Variants in CALM3 observed in about 807,000 individuals in gnomAD.
CALM3 encodes the protein calmodulin-3.
CALM3 carries 5 observed loss-of-function variants against 20.1 expected under a neutral mutation model. The ratio of observed to expected loss-of-function variants is 0.25; its 90% CI spans 0.13 to 0.52. The LOEUF is 0.52. Ranked by LOEUF, CALM3 falls within the 20% of genes least tolerant of loss-of-function variation. The pLI is 0.96. For missense variants in CALM3, 57 were observed against 192.8 expected, an observed-to-expected ratio of 0.30 and a Z score of 4.17; for synonymous variants, 69 against 68.1, an observed-to-expected ratio of 1.01 and a Z score of -0.06.
Position 46,608,647 on chromosome 19 carries a change from C to A in CALM3, c.285+59C>A. On this transcript the variant is annotated intron_variant, in intron 4 of 5. Coordinates refer to ENST00000291295, the MANE Select transcript of CALM3 (RefSeq NM_005184.4). This position sits in a 1 kb window ranked among gnomAD's most constrained non-coding sequence, Gnocchi z 5.5. ...TGACGCCAGCCTTCAGGCAGACAGG[C>A]GGAACTGGAGCCACGGAGCTACCAC... 2 of 1,451,284 alleles carry A rather than the reference C, an allele frequency of 1.4e-6. No homozygotes were observed. The highest frequency in any genetic ancestry group is 2.3e-5 in the East Asian group (1 of 43,440). The allele number at this position is 1,451,284 out of a possible 1,614,324, so 89.9% of individuals were successfully genotyped here. A position where few individuals can be genotyped will look rare whatever the true frequency, so the allele number is the denominator to read the frequency against.
Position 46,610,157 on chromosome 19 carries a change from A to G in CALM3, c.*1004A>G, listed in dbSNP as rs962435977. The G allele has an allele frequency of 1.3e-5, 2 of 152,566 alleles. No homozygotes were observed. The highest frequency in any genetic ancestry group is 4.8e-5 in the African/African-American group (2 of 41,370). The allele number at this position is 152,566 out of a possible 1,614,324, so 9.5% of individuals were successfully genotyped here. ...CCCCACCACGCTCTCAAGAGAACGC[A>G]CCTGCAATAAAACAGTCTTGTCGGC... On this transcript the variant is annotated 3_prime_UTR_variant, in exon 6 of 6. Transcript: ENST00000291295.
In CALM3 at chr19:46,609,531, G is replaced by T. The variant is rs564423714; in HGVS notation, c.*378G>T. On this transcript the variant is annotated 3_prime_UTR_variant, in exon 6 of 6. Coordinates refer to ENST00000291295, the MANE Select transcript of CALM3 (RefSeq NM_005184.4). ...TTTGTCATCTTATTTTGGGTGCTGG[G>T]GTGGCTGCCAGCCCTGTCCCGGGAC... 2.4e-4 allele frequency: 64 copies of T among 271,420 alleles called. No homozygotes were observed. The highest frequency in any genetic ancestry group is 1.2e-3 in the African/African-American group (56 of 45,058). The allele number at this position is 271,420 out of a possible 1,614,324, so 16.8% of individuals were successfully genotyped here. A position where few individuals can be genotyped will look rare whatever the true frequency, so the allele number is the denominator to read the frequency against.
Position 46,608,048 on chromosome 19 carries a change from G to A in CALM3, c.35-149G>A. 2.9e-6 allele frequency: 2 copies of A among 695,378 alleles called. No individual in the cohort carries two copies. The highest frequency in any genetic ancestry group is 2.5e-5 in the Admixed American group (1 of 40,098). The allele number at this position is 695,378 out of a possible 1,614,324, so 43.1% of individuals were successfully genotyped here. On this transcript the variant is annotated intron_variant, in intron 2 of 5. Transcript: ENST00000291295. The surrounding 1 kb of genome is among the most constrained non-coding windows in gnomAD (Gnocchi z 5.5). ...TTGCCCTGAGCACTGAGGAGAGAGAGCTGGTTGCGTGGGACTTGAAGTCTG... is the reference window on the plus strand; with the variant it reads ...TTGCCCTGAGCACTGAGGAGAGAGAACTGGTTGCGTGGGACTTGAAGTCTG...
Position 46,609,462 on chromosome 19 carries a change from T to C in CALM3, c.*309T>C. On this transcript the variant is annotated 3_prime_UTR_variant, in exon 6 of 6. Coordinates refer to ENST00000291295, the MANE Select transcript of CALM3 (RefSeq NM_005184.4). ...TCCCCTTGGGGAGCCTCTGCCCTCC[T>C]CCAGCCCGGATGGCTCTCCTCCATT... is the stretch of plus-strand genomic sequence containing the variant. The C allele has an allele frequency of 2.2e-6, 1 of 455,426 alleles. No homozygotes were observed. Among genetic ancestry groups the C allele is most frequent in the Non-Finnish European group, 3.9e-6 (1 of 254,976 alleles). The allele number at this position is 455,426 out of a possible 1,614,324, so 28.2% of individuals were successfully genotyped here. A position where few individuals can be genotyped will look rare whatever the true frequency, so the allele number is the denominator to read the frequency against.
rs574384111 is a variant in CALM3 at position 46,606,742 on chromosome 19, A to G, written c.34+885A>G. ...CCCAGAAGGGTCAGCTACAGGAACT[A>G]TTGTGTAATTACAGATCCGTGCCTG... On this transcript the variant is annotated intron_variant, in intron 2 of 5. Coordinates refer to ENST00000291295, the MANE Select transcript of CALM3 (RefSeq NM_005184.4). Among the ~76,000 whole-genome samples, 21 of 152,244 alleles carry G rather than the reference A, an allele frequency of 1.4e-4. No individual in the cohort carries two copies. In the South Asian group the frequency reaches 3.3e-3, roughly 24 times the overall value.
chr19:46,602,385 G>A (rs1568662262), intron 1 of CALM3, among the ~76,000 whole-genome samples: 1 of 150,860 alleles, frequency 6.6e-6, no homozygotes, highest in African/African-American at 2.4e-5. Flanking sequence ...GGATTTCCAA[G>A]GTGAGGGGTG....
In CALM3 at chr19:46,608,697, C is replaced by T. The variant is rs1971798941; in HGVS notation, c.285+109C>T. ...CTTCCAGGAGGTCCGGGTCCCGGTGCCAGCCTCATTGCCAACCTGCTCTGC... is the reference window on the plus strand; with the variant it reads ...CTTCCAGGAGGTCCGGGTCCCGGTGTCAGCCTCATTGCCAACCTGCTCTGC... On this transcript the variant is annotated intron_variant, in intron 4 of 5. Transcript: ENST00000291295. The surrounding 1 kb of genome is among the most constrained non-coding windows in gnomAD (Gnocchi z 5.5). The T allele has an allele frequency of 8.7e-6, 11 of 1,257,268 alleles. No homozygotes were observed. The South Asian group carries it at 1.2e-4, about 14-fold the overall frequency. 77.9% of individuals were successfully genotyped at this position (1,257,268 alleles called of 1,614,324 possible). A position where few individuals can be genotyped will look rare whatever the true frequency, so the allele number is the denominator to read the frequency against.
At chr19:46,602,195 G>A in intron 1 of CALM3, 4 of 1,355,834 alleles carry the variant, frequency 3.0e-6, no homozygotes, top group Non-Finnish European at 3.9e-6. Flanking sequence ...GGTCGTGGAG[G>A]TGGTGAAAAG....
In CALM3 at chr19:46,608,813, T is replaced by C. The variant is rs779306064; in HGVS notation, c.286-33T>C. 2.6e-6 allele frequency: 4 copies of C among 1,533,904 alleles called. No homozygotes were observed. Among genetic ancestry groups the C allele is most frequent in the South Asian group, 1.3e-5 (1 of 77,520 alleles). On this transcript the variant is annotated intron_variant, in intron 4 of 5. Coordinates refer to ENST00000291295, the MANE Select transcript of CALM3 (RefSeq NM_005184.4). The surrounding 1 kb of genome is among the most constrained non-coding windows in gnomAD (Gnocchi z 5.5). ...CTGCCTCTCTCCCCACCGGGAGAAG[T>C]GCCCAGTGAAAGGCTTTATCCCCAA...
chr19:46,608,920 G>A lies in CALM3; in HGVS notation c.360G>A (p.Glu120=). Residue 120 remains glutamate (E), a synonymous_variant, in exon 5 of 6, where the codon GAG becomes GAA. Transcript: ENST00000291295. This position sits in a 1 kb window ranked among gnomAD's most constrained non-coding sequence, Gnocchi z 5.5. ...MTNLGEKLTD[E]EVDEMIREAD... is the part of the protein sequence containing the mutation. ...ACCTGGGGGAGAAGCTGACCGATGAGGAGGTGGATGAGATGATCAGGGAGG... is the reference window on the plus strand; with the variant it reads ...ACCTGGGGGAGAAGCTGACCGATGAAGAGGTGGATGAGATGATCAGGGAGG... 2.5e-6 allele frequency: 4 copies of A among 1,609,728 alleles called. No homozygotes were observed. Among genetic ancestry groups the A allele is most frequent in the Non-Finnish European group, 3.4e-6 (4 of 1,177,896 alleles).
At chr19:46,604,155 G>C (rs1377718200) in intron 1 of CALM3, among the ~76,000 whole-genome samples, 1 of 152,062 alleles carries the variant, frequency 6.6e-6, no homozygotes, top group East Asian at 1.9e-4. Flanking sequence ...CCCTCCCTGG[G>C]CATTGCCTGG....
chr19:46,602,108 G>C, intron 1 of CALM3: 1 of 1,315,452 alleles, frequency 7.6e-7, no homozygotes, highest in Non-Finnish European at 1.0e-6. Flanking sequence ...GCAAGCTTAT[G>C]GGAGGAAGAG....
In CALM3 at chr19:46,605,487, C is replaced by T. The variant is rs1047680696; in HGVS notation, c.4-340C>T. On this transcript the variant is annotated intron_variant, in intron 1 of 5. Transcript: ENST00000291295. This position sits in a 1 kb window ranked among gnomAD's most constrained non-coding sequence, Gnocchi z 4.1. ...GCAAACCTGTGCCAGGCCTCACCAGCGCTGCTGGTTTGGGGCTGGGGCAGG... is the reference window on the plus strand; with the variant it reads ...GCAAACCTGTGCCAGGCCTCACCAGTGCTGCTGGTTTGGGGCTGGGGCAGG... 1.3e-4 allele frequency among the ~76,000 whole-genome samples: 20 copies of T among 152,332 alleles called. No homozygotes were observed. The highest frequency in any genetic ancestry group is 3.8e-4 in the African/African-American group (16 of 41,574).
chr19:46,602,118 G>C, intron 1 of CALM3: 1 of 1,319,268 alleles, frequency 7.6e-7, no homozygotes, highest in Non-Finnish European at 1.0e-6. Context: ...GGGAGGAAGA[G>C]CCTGGGGTGG....
chr19:46,604,362 GC>G (rs577688118), intron 1 of CALM3, among the ~76,000 whole-genome samples: 1 of 152,184 alleles, frequency 6.6e-6, no homozygotes, highest in Non-Finnish European at 1.5e-5. Context: ...TGAAGGCAAT[GC>G]AGAAGAATCT....
rs937783347 is a variant in CALM3 at position 46,605,442 on chromosome 19, G to A, written c.4-385G>A. On this transcript the variant is annotated intron_variant, in intron 1 of 5. Coordinates refer to ENST00000291295, the MANE Select transcript of CALM3 (RefSeq NM_005184.4). This position sits in a 1 kb window ranked among gnomAD's most constrained non-coding sequence, Gnocchi z 4.1. ...CAATCGTTCCCTTCACTCGGCCTCT[G>A]GGGCTCTCACTGATGAGATGCAAAC... The A allele has an allele frequency of 9.1e-6, 2 of 220,860 alleles. No homozygotes were observed. The highest frequency in any genetic ancestry group is 2.3e-5 in the African/African-American group (1 of 42,994). The allele number at this position is 220,860 out of a possible 1,614,324, so 13.7% of individuals were successfully genotyped here. A position where few individuals can be genotyped will look rare whatever the true frequency, so the allele number is the denominator to read the frequency against.
rs781598565 is a variant in CALM3 at position 46,608,386 on chromosome 19, G to A, written c.178+46G>A. 5.0e-6 allele frequency: 8 copies of A among 1,612,114 alleles called. No individual in the cohort carries two copies. The highest frequency in any genetic ancestry group is 2.2e-5 in the East Asian group (1 of 44,856). ...GGGCAGCCCTGCTCCTGGTCACCCCGAGTGACTGCAGGGAGCCTCTCTCAG... is the reference window on the plus strand; with the variant it reads ...GGGCAGCCCTGCTCCTGGTCACCCCAAGTGACTGCAGGGAGCCTCTCTCAG... On this transcript the variant is annotated intron_variant, in intron 3 of 5. Transcript: ENST00000291295. The surrounding 1 kb of genome is among the most constrained non-coding windows in gnomAD (Gnocchi z 5.5).
Position 46,605,318 on chromosome 19 carries a change from CT to C in CALM3, c.4-508del, listed in dbSNP as rs1311905983. 6.5e-6 allele frequency: 1 copy of C among 153,596 alleles called. No homozygotes were observed. The highest frequency in any genetic ancestry group is 2.4e-5 in the African/African-American group (1 of 41,484). The allele number at this position is 153,596 out of a possible 1,614,324, so 9.5% of individuals were successfully genotyped here. A position where few individuals can be genotyped will look rare whatever the true frequency, so the allele number is the denominator to read the frequency against. On this transcript the variant is annotated intron_variant, in intron 1 of 5. Coordinates refer to ENST00000291295, the MANE Select transcript of CALM3 (RefSeq NM_005184.4). This position sits in a 1 kb window ranked among gnomAD's most constrained non-coding sequence, Gnocchi z 4.1. Reference sequence around the variant, plus strand: ...CGCCTCCAAATAGGTGACACAGAAACTAGCAGAGATAGCCCCAGACATCGTC... The same window carrying C: ...CGCCTCCAAATAGGTGACACAGAAACAGCAGAGATAGCCCCAGACATCGTC...
In CALM3 at chr19:46,608,608, G is replaced by A; in HGVS notation, c.285+20G>A. ...GACAAGGTAAGCAGCCCTCTCCAGGGGCGGCTCTGAGACTGACGCCAGCCT... is the reference window on the plus strand; with the variant it reads ...GACAAGGTAAGCAGCCCTCTCCAGGAGCGGCTCTGAGACTGACGCCAGCCT... On this transcript the variant is annotated intron_variant, in intron 4 of 5. Transcript: ENST00000291295. This position sits in a 1 kb window ranked among gnomAD's most constrained non-coding sequence, Gnocchi z 5.5. 1 of 1,587,186 alleles carries A rather than the reference G, an allele frequency of 6.3e-7. No individual in the cohort carries two copies. The highest frequency in any genetic ancestry group is 8.7e-7 in the Non-Finnish European group (1 of 1,155,796).
Sources: allele counts gnomAD v4.1 joint callset (sites outside exome capture counted in the v4.1 genomes callset), GRCh38; gene constraint gnomAD v4.1.1; non-coding constraint Gnocchi (gnomAD v3.1); transcripts MANE v1.5; gene names NCBI Gene and HGNC (gene_info 2026-07-23, HGNC 2026-07-21).